FLT1: variants seen among roughly 807,000 people sequenced by gnomAD.
FLT1 encodes fms related receptor tyrosine kinase 1.
Under a neutral mutation model 156.3 loss-of-function variants are expected in FLT1, and 49 were observed. The observed-to-expected ratio is 0.31, with a 90% CI of 0.25 to 0.40. FLT1 has a LOEUF of 0.40. FLT1 is among the 10% of genes least tolerant of loss of function. The pLI is 1.00. For missense variants in FLT1, 1,322 were observed against 1,637.2 expected (o/e 0.81, Z 3.32); for synonymous variants, 594 against 583.8 (o/e 1.02, Z -0.25).
At chr13:28,369,397 C>G (rs556968372) in intron 14 of FLT1, among the ~76,000 whole-genome samples, 1 of 152,188 alleles carries the variant, frequency 6.6e-6, no homozygotes, top group Admixed American at 6.5e-5. Context: ...TGGTGGTGGG[C>G]ACCTGTAATC....
intron 3 of FLT1, among the ~76,000 whole-genome samples, chr13:28,454,513 C>T (rs1879154388): frequency 6.6e-6 from 1 of 152,136 alleles, no homozygotes; most frequent in Non-Finnish European, 1.5e-5. Flanking sequence ...GTTATATAAC[C>T]TTGAAAAAGC....
At chr13:28,321,719 A>T in intron 22 of FLT1, 134 bp from the exon 23 acceptor site, 1 of 849,930 alleles carries the variant, frequency 1.2e-6, no homozygotes, top group Non-Finnish European at 1.9e-6. Flanking sequence ...CGGTGCACAC[A>T]GAGTTACCAT....
At chr13:28,424,435 A>G (rs1164649186) in intron 10 of FLT1, among the ~76,000 whole-genome samples, 2 of 152,186 alleles carry the variant, frequency 1.3e-5, no homozygotes, top group African/African-American at 4.8e-5. Flanking sequence ...GCTCGCCTTC[A>G]TAGCATATTT....
intron 1 of FLT1, among the ~76,000 whole-genome samples, chr13:28,488,604 G>A (rs1881301378): frequency 6.6e-6 from 1 of 152,156 alleles, no homozygotes; most frequent in South Asian, 2.1e-4. Flanking sequence ...TTTGGAGTAT[G>A]ATGTGGGAAT....
chr13:28,340,954 T>C (rs1427049565), intron 16 of FLT1, among the ~76,000 whole-genome samples: 3 of 152,202 alleles, frequency 2.0e-5, no homozygotes, highest in South Asian at 2.1e-4. Flanking sequence ...AACAGGGTAC[T>C]AGGTGCCCAT....
intron 10 of FLT1, among the ~76,000 whole-genome samples, chr13:28,424,123 G>A (rs1375953353): frequency 6.6e-6 from 1 of 151,656 alleles, no homozygotes; most frequent in Non-Finnish European, 1.5e-5. Context: ...ATTTTAAGTA[G>A]TGGCGGGGTT....
intron 1 of FLT1, among the ~76,000 whole-genome samples, chr13:28,476,719 T>C (rs1880570355): frequency 6.6e-6 from 1 of 152,228 alleles, no homozygotes; most frequent in African/African-American, 2.4e-5. Context: ...ATATAGCATT[T>C]ATGTCTTGAA....
At chr13:28,456,045 T>C (rs1232198224) in intron 3 of FLT1, among the ~76,000 whole-genome samples, 1 of 152,224 alleles carries the variant, frequency 6.6e-6, no homozygotes, top group Non-Finnish European at 1.5e-5. Flanking sequence ...GACAGCCACT[T>C]TGGAAGACGG....
At chr13:28,336,775 T>C (rs2138848675) in intron 17 of FLT1, among the ~76,000 whole-genome samples, 1 of 139,792 alleles carries the variant, frequency 7.2e-6, no homozygotes, top group East Asian at 2.1e-4. Context: ...GGAGACGGAG[T>C]CTCACTCTGT....
At chr13:28,387,651 C>A (rs1874440125) in intron 13 of FLT1, 1 of 1,064,884 alleles carries the variant, frequency 9.4e-7, no homozygotes, top group African/African-American at 1.6e-5. Flanking sequence ...GAACCAGCCT[C>A]ACACCCCCTG....
rs140968374 is a variant in FLT1 at position 28,442,890 on chromosome 13, A to C, written c.389-4545T>G. Reference sequence around the variant, plus strand: ...TATAGAAGAGGTCACGGTTCCATTAATATCACCAGTAAAACCACTTACTAC... The same window carrying C: ...TATAGAAGAGGTCACGGTTCCATTACTATCACCAGTAAAACCACTTACTAC... On this transcript the variant is annotated intron_variant, in intron 3 of 29. Coordinates refer to ENST00000282397, the MANE Select transcript of FLT1 (RefSeq NM_002019.4). Among the ~76,000 whole-genome samples the C allele has an allele frequency of 1.1e-4, 16 of 152,330 alleles. No homozygotes were observed. The East Asian group carries it at 3.1e-3, about 29-fold the overall frequency.
chr13:28,330,484 A>T (rs1363064813), intron 18 of FLT1, among the ~76,000 whole-genome samples: 9 of 151,834 alleles, frequency 5.9e-5, no homozygotes, highest in East Asian at 1.9e-4. Context: ...CTAGATAAAA[A>T]GCAAAAGCCA....
chr13:28,435,925 C>T (rs1019847490), intron 4 of FLT1, among the ~76,000 whole-genome samples: 1 of 152,114 alleles, frequency 6.6e-6, no homozygotes, highest in African/African-American at 2.4e-5. Flanking sequence ...AGGAAAAACC[C>T]AGAAAAATTT....
intron 16 of FLT1, among the ~76,000 whole-genome samples, chr13:28,342,950 C>CTA (rs1872394964): frequency 7.0e-6 from 1 of 142,162 alleles, no homozygotes; most frequent in African/African-American, 2.7e-5. Context: ...CTTTCTTTCT[C>CTA]TCTCTCTCTC....
At chr13:28,446,913 G>T (rs1335507728) in intron 3 of FLT1, among the ~76,000 whole-genome samples, 2 of 152,092 alleles carry the variant, frequency 1.3e-5, no homozygotes. Context: ...AAACTACAAT[G>T]ATCAAGACAG....
chr13:28,434,218 A>G lies in FLT1; in HGVS notation c.516T>C (p.Phe172=), dbSNP rs751873408. 1 of 1,613,996 alleles carries G rather than the reference A, an allele frequency of 6.2e-7. No homozygotes were observed. The highest frequency in any genetic ancestry group is 8.5e-7 in the Non-Finnish European group (1 of 1,179,966). The change falls in exon 5 of 30, where the codon TTT becomes TTC. Residue 172 remains phenylalanine, a splice_region_variant and synonymous_variant. Coordinates refer to ENST00000282397, the MANE Select transcript of FLT1 (RefSeq NM_002019.4). The part of the protein sequence containing the change: ...SPNITVTLKK[F]PLDTLIPDGK... ...CATCAGGGATCAAAGTGTCAAGTGG[A>G]AACTGAAAAGGAAGAGGCATGCATT...
intron 20 of FLT1, among the ~76,000 whole-genome samples, chr13:28,323,795 A>G (rs1871570927): frequency 6.6e-6 from 1 of 152,024 alleles, no homozygotes; most frequent in South Asian, 2.1e-4. Context: ...TTGGTGCTTC[A>G]CTCTGTAATC....
intron 11 of FLT1, among the ~76,000 whole-genome samples, chr13:28,405,244 T>C (rs1875714036): frequency 6.6e-6 from 1 of 152,142 alleles, no homozygotes; most frequent in Non-Finnish European, 1.5e-5. Context: ...TCTTGATAGA[T>C]TGTGTGTGTT....
At chr13:28,340,194 G>A (rs1872276332) in intron 16 of FLT1, among the ~76,000 whole-genome samples, 1 of 150,556 alleles carries the variant, frequency 6.6e-6, no homozygotes, top group Non-Finnish European at 1.5e-5. Flanking sequence ...CAGCCTGGGC[G>A]ACAGAGCGAG....
Sources: allele counts gnomAD v4.1 joint callset (sites outside exome capture counted in the v4.1 genomes callset), GRCh38; gene constraint gnomAD v4.1.1; transcripts MANE v1.5; gene names NCBI Gene and HGNC (gene_info 2026-07-23, HGNC 2026-07-21).